The following LMF1 variants were observed in gnomAD, a reference collection of about 807,000 sequenced individuals.
LMF1 encodes transmembrane protein 112.
Under a neutral mutation model 60.6 loss-of-function variants are expected in LMF1, and 68 were observed. That is an observed-to-expected ratio of 1.12 (90% confidence interval 0.92 to 1.37). The LOEUF is 1.37. Ranked by LOEUF, LMF1 falls within the 40% of genes most tolerant of loss-of-function variation. The pLI, the probability that LMF1 is intolerant of heterozygous loss-of-function variation, is 0.00. For synonymous variants in LMF1, 418 were observed against 324.7 expected, an observed-to-expected ratio of 1.29 and a Z score of -3.09; for missense variants, 948 against 767.2, an observed-to-expected ratio of 1.24 and a Z score of -2.78.
chr16:966,745 G>C (rs1227130958), intron 1 of LMF1, among the ~76,000 whole-genome samples: 1 of 152,192 alleles, frequency 6.6e-6, no homozygotes, highest in Non-Finnish European at 1.5e-5. Context: ...CCTCATCAGT[G>C]ACAGGAAGGT....
At chr16:926,998 C>T (rs1391892350) in intron 3 of LMF1, among the ~76,000 whole-genome samples, 1 of 152,176 alleles carries the variant, frequency 6.6e-6, no homozygotes, top group Non-Finnish European at 1.5e-5. Context: ...CAAGAAACAC[C>T]CCGAGACCCC....
rs1156697207 is a variant in LMF1, at chr16:878,152, T to A, written c.897+1418A>T. Among the ~76,000 whole-genome samples, 1 of 151,352 alleles carries A rather than the reference T, an allele frequency of 6.6e-6. No homozygotes were observed. Among genetic ancestry groups the A allele is most frequent in the Non-Finnish European group, 1.5e-5 (1 of 67,914 alleles). On this transcript the variant is annotated intron_variant, in intron 6 of 10. Coordinates refer to ENST00000262301, the MANE Select transcript of LMF1 (RefSeq NM_022773.4). The surrounding 1 kb of genome is among the most constrained non-coding windows in gnomAD (Gnocchi z 5.2). The stretch of plus-strand genomic sequence containing the variant: ...CAGGAGCCCCCAAACACGCGTGGGG[T>A]CCGGCTACATGGAACCGACTGAAGC...
At chr16:906,293 G>C (rs2070970237) in intron 4 of LMF1, among the ~76,000 whole-genome samples, 1 of 152,170 alleles carries the variant, frequency 6.6e-6, no homozygotes, top group Non-Finnish European at 1.5e-5. Context: ...AGGATGCAAA[G>C]TACTGATCCT....
In LMF1 at chr16:870,835, C is replaced by T. The variant is rs2069763919; in HGVS notation, c.1126G>A (p.Ala376Thr). 3.1e-6 allele frequency: 5 copies of T among 1,612,014 alleles called. No individual in the cohort carries two copies. The highest frequency in any genetic ancestry group is 4.2e-6 in the Non-Finnish European group (5 of 1,179,780). ...AGGACCACGGGCACGCTGAGCCAGGCCAGCAGGACGCCCAGCGAGACGTTG... is the reference window on the plus strand; with the variant it reads ...AGGACCACGGGCACGCTGAGCCAGGTCAGCAGGACGCCCAGCGAGACGTTG... Reference protein sequence around the residue: ...AANVSLGVLLAWLSVPVVLNL... With the variant: ...AANVSLGVLLTWLSVPVVLNL... The change falls in exon 8 of 11, where the codon GCC becomes ACC. Residue 376 changes from alanine to threonine, a missense_variant. Coordinates refer to ENST00000262301, the MANE Select transcript of LMF1 (RefSeq NM_022773.4).
rs1333880436 is a variant in LMF1, at chr16:952,954, C to T, written c.503+1403G>A. On this transcript the variant is annotated intron_variant, in intron 2 of 10. Coordinates refer to ENST00000262301, the MANE Select transcript of LMF1 (RefSeq NM_022773.4). ...ACCCACCCCAAACCAGCCTCCTGCA[C>T]GTCCACACAGACACCCCAAACCAGC... Among the ~76,000 whole-genome samples, 15 of 88,228 alleles carry T rather than the reference C, an allele frequency of 1.7e-4. 1 individual carries two copies. Among genetic ancestry groups the T allele is most frequent in the South Asian group, 1.4e-3 (3 of 2,080 alleles). The allele number at this position is 88,228 out of a possible 152,430, so 57.9% of individuals were successfully genotyped here.
intron 3 of LMF1, among the ~76,000 whole-genome samples, chr16:930,437 T>C (rs950030731): frequency 6.6e-6 from 1 of 152,228 alleles, no homozygotes; most frequent in Admixed American, 6.5e-5. Context: ...ACAGTGCGCC[T>C]GTAGTCCCAG....
At chr16:884,796 G>A (rs758813964) in intron 5 of LMF1, 4 of 148,826 alleles carry the variant, frequency 2.7e-5, no homozygotes, top group Non-Finnish European at 4.5e-5. Context: ...GTTAGGTGGA[G>A]GGAGAATGAT....
intron 4 of LMF1, among the ~76,000 whole-genome samples, chr16:907,228 A>G (rs980973107): frequency 6.6e-6 from 1 of 151,824 alleles, no homozygotes; most frequent in African/African-American, 2.4e-5. Context: ...GGTGAAACCT[A>G]GTCTCTACTA....
intron 3 of LMF1, among the ~76,000 whole-genome samples, chr16:911,306 G>A (rs1426416739): frequency 6.6e-6 from 1 of 152,114 alleles, no homozygotes; most frequent in Non-Finnish European, 1.5e-5. Context: ...GACTTCCTGT[G>A]ACCTCGGCAC....
intron 3 of LMF1, among the ~76,000 whole-genome samples, chr16:923,988 G>A (rs1241263008): frequency 6.6e-6 from 1 of 152,184 alleles, no homozygotes; most frequent in Non-Finnish European, 1.5e-5. Context: ...AATCAAAATA[G>A]AAAAGGCAAC....
chr16:878,884 A>C lies in LMF1; in HGVS notation c.897+686T>G, dbSNP rs2070076694. On this transcript the variant is annotated intron_variant, in intron 6 of 10. Transcript: ENST00000262301. This position sits in a 1 kb window ranked among gnomAD's most constrained non-coding sequence, Gnocchi z 5.2. ...ACCTCCATTGAAACAATCGAGAGAG[A>C]GAACCACCTTTAAAATCCCCACCAC... Among the ~76,000 whole-genome samples the C allele has an allele frequency of 6.6e-6, 1 of 152,222 alleles. No individual in the cohort carries two copies. The highest frequency in any genetic ancestry group is 6.5e-5 in the Admixed American group (1 of 15,286).
At chr16:912,006 G>C (rs1214825104) in intron 3 of LMF1, among the ~76,000 whole-genome samples, 1 of 152,186 alleles carries the variant, frequency 6.6e-6, no homozygotes, top group African/African-American at 2.4e-5. Flanking sequence ...CGTGAATGTG[G>C]CTGCTGGAAA....
intron 10 of LMF1, among the ~76,000 whole-genome samples, chr16:867,003 G>GAGGAAC (rs2069627100): frequency 6.6e-6 from 1 of 152,128 alleles, no homozygotes; most frequent in South Asian, 2.1e-4. Flanking sequence ...CACTTAGTGG[G>GAGGAAC]AGGAACAGGG....
At chr16:972,440 C>G (rs531329029), upstream of LMF1, among the ~76,000 whole-genome samples, 1 of 152,324 alleles carries the variant, frequency 6.6e-6, no homozygotes, top group African/African-American at 2.4e-5. Flanking sequence ...GCACCCAAGT[C>G]CCTCCACAGA....
intron 1 of LMF1, among the ~76,000 whole-genome samples, chr16:965,121 C>T (rs1043645884): frequency 2.6e-5 from 4 of 152,230 alleles, no homozygotes; most frequent in Non-Finnish European, 4.4e-5. Context: ...TTGGGCATTC[C>T]TTCTGCAGTC....
chr16:977,056 G>A (rs928862151), intron 1 of LMF1: 2 of 454,014 alleles, frequency 4.4e-6, no homozygotes, highest in African/African-American at 4.0e-5. Flanking sequence ...GCTGCAGCAG[G>A]GCCAGCTCTG....
intron 6 of LMF1, among the ~76,000 whole-genome samples, chr16:876,145 A>G (rs1351387578): frequency 6.6e-6 from 1 of 152,228 alleles, no homozygotes; most frequent in Non-Finnish European, 1.5e-5. Flanking sequence ...TGAGTGGAGA[A>G]ACAAACCGGG....
chr16:910,591 G>A (rs530070102), intron 4 of LMF1, among the ~76,000 whole-genome samples: 30 of 152,216 alleles, frequency 2.0e-4, no homozygotes, highest in Middle Eastern at 6.8e-3. Context: ...CGGACACTCC[G>A]GGAAGCAAAG....
rs532929193 is a variant in LMF1, at chr16:853,765, C to A, written c.*767G>T. On this transcript the variant is annotated 3_prime_UTR_variant, in exon 11 of 11. Transcript: ENST00000262301. The stretch of plus-strand genomic sequence containing the variant: ...CGACGATGATGAAAGTGTGCACGGC[C>A]GGCTGTCCTCCGATTGAGGGGCCTT... 2.2e-6 allele frequency: 1 copy of A among 454,000 alleles called. No homozygotes were observed. The highest frequency in any genetic ancestry group is 2.0e-5 in the African/African-American group (1 of 49,996). 28.1% of individuals were successfully genotyped at this position (454,000 alleles called of 1,614,324 possible).
Sources: gnomAD v4.1 joint callset for allele counts (sites outside exome capture counted in the v4.1 genomes callset) on GRCh38, gnomAD v4.1.1 for gene constraint, Gnocchi (gnomAD v3.1) non-coding constraint, MANE v1.5 for transcripts, NCBI Gene and HGNC (gene_info 2026-07-23, HGNC 2026-07-21) for gene names.